The following GALNT13 variants were observed in gnomAD, a reference collection of about 807,000 sequenced individuals.
GALNT13 encodes the protein UDP-GalNAc:polypeptide N-acetylgalactosaminyltransferase 13.
GALNT13 carries 28 observed loss-of-function variants against 64.2 expected under a neutral mutation model. The observed-to-expected ratio is 0.44, with a 90% CI of 0.32 to 0.60. The LOEUF (loss-of-function observed/expected upper bound fraction) is 0.60. Ranked by LOEUF, GALNT13 falls within the 20% of genes least tolerant of loss-of-function variation. The pLI is 0.05. For synonymous variants in GALNT13, 214 were observed against 224.6 expected (o/e 0.95, Z 0.42); for missense variants, 577 against 669.8 (o/e 0.86, Z 1.53).
the GALNT13 span, among the ~76,000 whole-genome samples, chr2:153,538,498 A>G: frequency 0.48 from 43,153 of 89,498 alleles, 11,233 homozygotes; most frequent in African/African-American, 0.79. Context: ...CCACTAACTC[A>G]TCATCTAGCA....
At chr2:153,991,780 T>A (rs905207231) in intron 3 of GALNT13, among the ~76,000 whole-genome samples, 4 of 152,122 alleles carry the variant, frequency 2.6e-5, no homozygotes, top group Admixed American at 6.6e-5. Context: ...CATCAAGAAA[T>A]TGTTTAATTT....
chr2:153,381,426 AC>A, the GALNT13 span, among the ~76,000 whole-genome samples: 1 of 152,044 alleles, frequency 6.6e-6, no homozygotes, highest in African/African-American at 2.4e-5. Context: ...ATGAATATTT[AC>A]CCCAGAATTC....
At chr2:153,480,984 T>G in the GALNT13 span, among the ~76,000 whole-genome samples, 1 of 152,184 alleles carries the variant, frequency 6.6e-6, no homozygotes. Context: ...TTTCGTCAGG[T>G]CAGTGTTAAA....
the GALNT13 span, among the ~76,000 whole-genome samples, chr2:153,448,728 C>T: frequency 6.6e-6 from 1 of 152,122 alleles, no homozygotes; most frequent in Non-Finnish European, 1.5e-5. Flanking sequence ...TCTCAGGACA[C>T]TTTTCAGGAC....
intron 9 of GALNT13, among the ~76,000 whole-genome samples, chr2:154,339,179 T>G (rs557287449): frequency 6.6e-6 from 1 of 152,262 alleles, no homozygotes; most frequent in Non-Finnish European, 1.5e-5. Flanking sequence ...ATTATACTGG[T>G]GTGGATTTCT....
chr2:153,438,457 G>T, the GALNT13 span, among the ~76,000 whole-genome samples: 1 of 152,140 alleles, frequency 6.6e-6, no homozygotes, highest in Admixed American at 6.5e-5. Flanking sequence ...TCACTTTCAG[G>T]TACACCAATC....
intron 11 of GALNT13, among the ~76,000 whole-genome samples, chr2:154,433,921 A>G (rs925161797): frequency 6.6e-6 from 1 of 152,178 alleles, no homozygotes; most frequent in African/African-American, 2.4e-5. Context: ...ATGTAACCAT[A>G]TTAGAGATGA....
At chr2:153,074,873 T>G in the GALNT13 span, among the ~76,000 whole-genome samples, 272 of 152,230 alleles carry the variant, frequency 1.8e-3, no homozygotes, top group African/African-American at 6.2e-3. Flanking sequence ...TAGCTGAGAT[T>G]ACATACATGC....
chr2:153,378,415 A>G, the GALNT13 span, among the ~76,000 whole-genome samples: 1 of 152,180 alleles, frequency 6.6e-6, no homozygotes, highest in Non-Finnish European at 1.5e-5. Context: ...TTGTGATATC[A>G]ATATGAAAAC....
chr2:154,157,439 C>A (rs1455687177), intron 4 of GALNT13, among the ~76,000 whole-genome samples: 1 of 152,062 alleles, frequency 6.6e-6, no homozygotes, highest in African/African-American at 2.4e-5. Context: ...ATTTAAACTC[C>A]TGGGCTCAAG....
the GALNT13 span, among the ~76,000 whole-genome samples, chr2:153,442,537 G>A: frequency 1.3e-5 from 2 of 152,094 alleles, no homozygotes; most frequent in Non-Finnish European, 2.9e-5. Context: ...GCTTCTTTTT[G>A]TACCTCTGGT....
chr2:153,774,524 CTATATT>C, the GALNT13 span, among the ~76,000 whole-genome samples: 1 of 152,110 alleles, frequency 6.6e-6, no homozygotes. Context: ...GGTAGGAAAT[CTATATT>C]TATACTTCCC....
At chr2:153,835,662 G>A in the GALNT13 span, among the ~76,000 whole-genome samples, 1 of 151,854 alleles carries the variant, frequency 6.6e-6, no homozygotes. Flanking sequence ...AACCCAATTT[G>A]TCTATGCTTC....
chr2:153,249,567 A>G, the GALNT13 span, among the ~76,000 whole-genome samples: 1 of 152,232 alleles, frequency 6.6e-6, no homozygotes, highest in South Asian at 2.1e-4. Flanking sequence ...CCATATAACC[A>G]AGACAATGTT....
At chr2:154,291,365 G>C (rs1347524720) in intron 8 of GALNT13, among the ~76,000 whole-genome samples, 1 of 152,138 alleles carries the variant, frequency 6.6e-6, no homozygotes, top group Non-Finnish European at 1.5e-5. Flanking sequence ...GCTGATTGGT[G>C]TGTTTACAAA....
the GALNT13 span, among the ~76,000 whole-genome samples, chr2:153,373,656 T>A: frequency 6.6e-6 from 1 of 152,212 alleles, no homozygotes; most frequent in African/African-American, 2.4e-5. Flanking sequence ...CAATGTTGGG[T>A]GATCATTAAC....
chr2:153,650,380 C>A, the GALNT13 span, among the ~76,000 whole-genome samples: 1 of 150,398 alleles, frequency 6.6e-6, no homozygotes, highest in East Asian at 2.0e-4. Flanking sequence ...GAAGGGTTTT[C>A]TGAATACAGC....
intron 3 of GALNT13, among the ~76,000 whole-genome samples, chr2:153,971,120 G>A (rs1693708947): frequency 6.6e-6 from 1 of 152,000 alleles, no homozygotes; most frequent in Non-Finnish European, 1.5e-5. Flanking sequence ...CCTTTGTCTT[G>A]CTAACTCTTC....
chr2:153,530,510 A>G, the GALNT13 span, among the ~76,000 whole-genome samples: 1 of 152,278 alleles, frequency 6.6e-6, no homozygotes, highest in East Asian at 1.9e-4. Flanking sequence ...TCAAAAAAGT[A>G]GAAAAAACAA....
Sources: allele counts gnomAD v4.1 joint callset (sites outside exome capture counted in the v4.1 genomes callset), GRCh38; gene constraint gnomAD v4.1.1; transcripts MANE v1.5; gene names NCBI Gene and HGNC (gene_info 2026-07-23, HGNC 2026-07-21).